The following MDGA2 variants were observed in gnomAD, a reference collection of about 807,000 sequenced individuals.
MDGA2 encodes MAM domain containing glycosylphosphatidylinositol anchor 2.
Under a neutral mutation model 117.8 loss-of-function variants are expected in MDGA2, and 40 were observed. The ratio of observed to expected loss-of-function variants is 0.34; its 90% CI spans 0.26 to 0.44. MDGA2 has a LOEUF of 0.44. Among genes scored for constraint, MDGA2 ranks in the 20% least tolerant of loss-of-function variants. The probability of loss-of-function intolerance (pLI) is 1.00; values close to 1 mark genes in which losing one functional copy is unlikely to be tolerated. For missense variants in MDGA2, 1,123 were observed against 1,250.6 expected (o/e 0.90, Z 1.54); for synonymous variants, 452 against 439.0 (o/e 1.03, Z -0.37).
chr14:47,192,196 A>C (rs1339927788), intron 3 of MDGA2, among the ~76,000 whole-genome samples: 1 of 152,186 alleles, frequency 6.6e-6, no homozygotes, highest in Non-Finnish European at 1.5e-5. Flanking sequence ...TGCTTTTCTA[A>C]TTCTTTGAAA....
chr14:46,968,326 C>T (rs545567135), intron 8 of MDGA2, among the ~76,000 whole-genome samples: 126 of 152,122 alleles, frequency 8.3e-4, no homozygotes, highest in African/African-American at 2.9e-3. Context: ...TGCAGCAGGC[C>T]AAAATCCCTG....
rs561656795 is a variant in MDGA2, at chr14:46,864,023, T to G, written c.2753-8869A>C. Reference sequence around the variant, plus strand: ...CTGGTGCGCTGCACCCACTAACTCGTCATCTAGCATTAGGTATATCTCCCG... The same window carrying G: ...CTGGTGCGCTGCACCCACTAACTCGGCATCTAGCATTAGGTATATCTCCCG... On this transcript the variant is annotated intron_variant, in intron 14 of 16. Transcript: ENST00000399232. Among the ~76,000 whole-genome samples, 3 of 152,006 alleles carry G rather than the reference T, an allele frequency of 2.0e-5. No homozygotes were observed. The South Asian group carries it at 6.2e-4, about 32-fold the overall frequency.
intron 15 of MDGA2, among the ~76,000 whole-genome samples, chr14:46,848,883 G>T (rs866680698): frequency 6.6e-6 from 1 of 151,902 alleles, no homozygotes; most frequent in Non-Finnish European, 1.5e-5. Context: ...TGTCCAGAGG[G>T]CTTCCTATAC....
At chr14:46,908,390 C>G (rs1883577795) in intron 10 of MDGA2, among the ~76,000 whole-genome samples, 1 of 152,004 alleles carries the variant, frequency 6.6e-6, no homozygotes, top group African/African-American at 2.4e-5. Flanking sequence ...TTATTCTATC[C>G]TATTTTAAAA....
intron 8 of MDGA2, among the ~76,000 whole-genome samples, chr14:46,963,679 T>G (rs1205063680): frequency 6.6e-6 from 1 of 152,240 alleles, no homozygotes; most frequent in Non-Finnish European, 1.5e-5. Flanking sequence ...GATGACAAGT[T>G]AGTAAAGTAA....
intron 2 of MDGA2, among the ~76,000 whole-genome samples, chr14:47,292,466 G>A (rs1888924134): frequency 6.6e-6 from 1 of 152,170 alleles, no homozygotes; most frequent in East Asian, 1.9e-4. Flanking sequence ...TCCATTTATC[G>A]CTTGTCTTTC....
chr14:47,530,852 A>C (rs1895083838), intron 1 of MDGA2, among the ~76,000 whole-genome samples: 1 of 152,200 alleles, frequency 6.6e-6, no homozygotes, highest in Non-Finnish European at 1.5e-5. Flanking sequence ...AGGTAAAATA[A>C]AACAAATATT....
intron 3 of MDGA2, among the ~76,000 whole-genome samples, chr14:47,153,933 T>G (rs1883264661): frequency 6.6e-6 from 1 of 152,020 alleles, no homozygotes. Flanking sequence ...TTTGCCAGAG[T>G]TGTGTCAGTG....
At chr14:47,632,104 C>T (rs1897256055) in intron 1 of MDGA2, among the ~76,000 whole-genome samples, 1 of 152,066 alleles carries the variant, frequency 6.6e-6, no homozygotes, top group African/African-American at 2.4e-5. Context: ...AATCCTGATG[C>T]CCTGTTTAAT....
At chr14:47,274,457 C>T (rs1429832470) in intron 2 of MDGA2, among the ~76,000 whole-genome samples, 1 of 152,040 alleles carries the variant, frequency 6.6e-6, no homozygotes, top group African/African-American at 2.4e-5. Flanking sequence ...AGATAGGCCA[C>T]ATTTTATTTA....
intron 1 of MDGA2, among the ~76,000 whole-genome samples, chr14:47,627,330 G>C (rs1897165516): frequency 2.6e-5 from 4 of 152,022 alleles, no homozygotes; most frequent in Admixed American, 2.6e-4. Flanking sequence ...TCTAGCTCAA[G>C]GTTTGTGAAT....
At chr14:47,553,796 T>A (rs945682906) in intron 1 of MDGA2, among the ~76,000 whole-genome samples, 2 of 152,206 alleles carry the variant, frequency 1.3e-5, no homozygotes, top group Non-Finnish European at 2.9e-5. Context: ...TTTTATTGCA[T>A]CTCTGAAACT....
chr14:47,329,755 GAACA>G (rs1163528351), intron 1 of MDGA2, among the ~76,000 whole-genome samples: 1 of 151,818 alleles, frequency 6.6e-6, no homozygotes, highest in African/African-American at 2.4e-5. Flanking sequence ...AATTTGACAC[GAACA>G]GATAGTGAAA....
chr14:47,244,819 C>A (rs879826977), intron 2 of MDGA2, among the ~76,000 whole-genome samples: 7 of 151,638 alleles, frequency 4.6e-5, no homozygotes, highest in Non-Finnish European at 8.9e-5. Context: ...GTATTTTGTT[C>A]CCATGTTCTC....
At chr14:46,927,235 C>A (rs1884366847) in intron 9 of MDGA2, among the ~76,000 whole-genome samples, 1 of 152,208 alleles carries the variant, frequency 6.6e-6, no homozygotes, top group South Asian at 2.1e-4. Context: ...TAGCAATATA[C>A]TCATCGCTGT....
At chr14:46,871,721 T>A (rs1882006267) in intron 14 of MDGA2, 2 of 159,286 alleles carry the variant, frequency 1.3e-5, no homozygotes, top group Admixed American at 6.3e-5. Flanking sequence ...GAGTTATTAT[T>A]CTCATTTTAC....
chr14:47,189,897 T>C (rs1332395476), intron 3 of MDGA2, among the ~76,000 whole-genome samples: 1 of 152,170 alleles, frequency 6.6e-6, no homozygotes, highest in Admixed American at 6.6e-5. Context: ...GACACCTTCA[T>C]GTAGCAATAA....
rs371475235 is a variant in MDGA2 at position 47,593,610 on chromosome 14, AG to A, written c.280+80906del. Among the ~76,000 whole-genome samples, 18 of 152,296 alleles carry A rather than the reference AG, an allele frequency of 1.2e-4. No homozygotes were observed. The East Asian group carries it at 3.5e-3, about 30-fold the overall frequency. ...GATGGAGTTGGAAGCCATTATTCTC[AG>A]CCAACTACCACAGGAACAGAAAATC... On this transcript the variant is annotated intron_variant, in intron 1 of 16. Transcript: ENST00000399232.
At chr14:47,601,694 G>C (rs1400971886) in intron 1 of MDGA2, among the ~76,000 whole-genome samples, 1 of 152,038 alleles carries the variant, frequency 6.6e-6, no homozygotes, top group Admixed American at 6.6e-5. Flanking sequence ...AAAAAATGTG[G>C]GTAAAAGATT....
Sources: gnomAD v4.1 joint callset for allele counts (sites outside exome capture counted in the v4.1 genomes callset) on GRCh38, gnomAD v4.1.1 for gene constraint, MANE v1.5 for transcripts, NCBI Gene and HGNC (gene_info 2026-07-23, HGNC 2026-07-21) for gene names.